Variants in PHTF2 observed in about 807,000 individuals in gnomAD.
The protein encoded by PHTF2 is protein PHTF2.
Under a neutral mutation model 101.2 loss-of-function variants are expected in PHTF2, and 60 were observed. The observed-to-expected ratio is 0.59, with a 90% CI of 0.48 to 0.73. The LOEUF (loss-of-function observed/expected upper bound fraction) is 0.73, where lower values mean the gene tolerates loss of function less well. PHTF2 is among the 30% of genes least tolerant of loss of function. The probability of loss-of-function intolerance (pLI) is 0.00; values close to 1 mark genes in which losing one functional copy is unlikely to be tolerated. For synonymous variants in PHTF2, 311 were observed against 307.3 expected (o/e 1.01, Z -0.13); for missense variants, 747 against 908.7 (o/e 0.82, Z 2.29).
chr7:77,940,841 C>T lies in PHTF2; in HGVS notation c.1872+182C>T, dbSNP rs565736825. Among the ~76,000 whole-genome samples the T allele has an allele frequency of 3.9e-5, 6 of 152,220 alleles. No individual in the cohort carries two copies. The South Asian group carries it at 6.2e-4, about 16-fold the overall frequency. On this transcript the variant is annotated intron_variant, in intron 15 of 19. Transcript: ENST00000416283. ...ACAAGCCAGCAGAGGGAGCCCACTA[C>T]TTAAAAAAGAATTTAAAAAAAATAA...
chr7:77,882,270 C>G (rs1409447137), intron 3 of PHTF2, among the ~76,000 whole-genome samples: 1 of 151,864 alleles, frequency 6.6e-6, no homozygotes, highest in Admixed American at 6.6e-5. Context: ...AAATGGCTAG[C>G]TAGATATATA....
At chr7:77,845,929 A>G (rs1419274685) in intron 2 of PHTF2, among the ~76,000 whole-genome samples, 1 of 152,196 alleles carries the variant, frequency 6.6e-6, no homozygotes, top group Non-Finnish European at 1.5e-5. Flanking sequence ...CTTAATCCCA[A>G]GACCAGAGCA....
intron 3 of PHTF2, among the ~76,000 whole-genome samples, chr7:77,859,686 C>T (rs2150666422): frequency 6.6e-6 from 1 of 151,914 alleles, no homozygotes; most frequent in Non-Finnish European, 1.5e-5. Context: ...GCCTCAGCCT[C>T]TGGAGTAGCT....
chr7:77,951,190 A>G (rs981878249), intron 17 of PHTF2, among the ~76,000 whole-genome samples: 5 of 152,146 alleles, frequency 3.3e-5, no homozygotes, highest in East Asian at 1.9e-4. Flanking sequence ...TATAATCCCA[A>G]CACTTTGGGA....
chr7:77,948,630 A>C (rs964692311), intron 16 of PHTF2, among the ~76,000 whole-genome samples: 23 of 152,202 alleles, frequency 1.5e-4, no homozygotes, highest in Non-Finnish European at 3.2e-4. Context: ...GTGGATGTAG[A>C]ATATAAAAAG....
intron 3 of PHTF2, among the ~76,000 whole-genome samples, chr7:77,868,098 A>G (rs1027093495): frequency 1.3e-5 from 2 of 152,010 alleles, no homozygotes; most frequent in African/African-American, 2.4e-5. Context: ...GTCTCCTTGG[A>G]TGGCATTTAG....
At chr7:77,923,730 T>C (rs1023903064) in intron 11 of PHTF2, 1 of 984,964 alleles carries the variant, frequency 1.0e-6, no homozygotes, top group Non-Finnish European at 1.2e-6. Flanking sequence ...CTGTATGTAC[T>C]GTTAGAAGTC....
intron 1 of PHTF2, among the ~76,000 whole-genome samples, chr7:77,825,188 A>G (rs1794611314): frequency 6.6e-6 from 1 of 152,188 alleles, no homozygotes; most frequent in Non-Finnish European, 1.5e-5. Context: ...GCAGACAAAA[A>G]AGGGGTATCT....
chr7:77,819,090 A>G (rs1794073038), intron 1 of PHTF2, among the ~76,000 whole-genome samples: 1 of 152,124 alleles, frequency 6.6e-6, no homozygotes, highest in Admixed American at 6.5e-5. Context: ...TTGATACTGT[A>G]TCTTGCAATT....
intron 1 of PHTF2, among the ~76,000 whole-genome samples, chr7:77,837,180 A>G (rs1420330777): frequency 1.3e-5 from 2 of 152,166 alleles, no homozygotes; most frequent in African/African-American, 4.8e-5. Flanking sequence ...AAAAAAGATT[A>G]AGATCCTCTA....
intron 1 of PHTF2, among the ~76,000 whole-genome samples, chr7:77,835,706 T>A (rs1039199481): frequency 1.2e-4 from 18 of 152,230 alleles, no homozygotes; most frequent in Non-Finnish European, 2.1e-4. Context: ...AATAGCCTAC[T>A]GTTGACAGGA....
chr7:77,937,525 ATATAT>A (rs1202412191), intron 12 of PHTF2, among the ~76,000 whole-genome samples, 180 bp from the exon 12 acceptor site: 2 of 152,166 alleles, frequency 1.3e-5, no homozygotes, highest in Non-Finnish European at 2.9e-5. Flanking sequence ...GTGTGTATAA[ATATAT>A]TAGCTGTGCA....
At chr7:77,849,068 G>T (rs561713037) in intron 2 of PHTF2, among the ~76,000 whole-genome samples, 1 of 151,920 alleles carries the variant, frequency 6.6e-6, no homozygotes, top group Non-Finnish European at 1.5e-5. Context: ...CTTCTATTGT[G>T]TTCCACTGAT....
chr7:77,920,427 G>T (rs749971460), exon 10 of PHTF2: 1 of 1,613,514 alleles, frequency 6.2e-7, no homozygotes, highest in Non-Finnish European at 8.5e-7. Context: ...AGAAGAGACA[G>T]CCTGGAACAC....
At chr7:77,873,409 A>T (rs1798679369) in intron 3 of PHTF2, among the ~76,000 whole-genome samples, 1 of 152,124 alleles carries the variant, frequency 6.6e-6, no homozygotes, top group Admixed American at 6.5e-5. Flanking sequence ...AAACTCAAGC[A>T]GTTCTTTTTG....
chr7:77,891,596 T>C (rs1800419750), intron 3 of PHTF2, among the ~76,000 whole-genome samples: 1 of 134,884 alleles, frequency 7.4e-6, no homozygotes, highest in Non-Finnish European at 1.6e-5. Context: ...TGTTGTTGTT[T>C]GTTTTTTGTT....
intron 9 of PHTF2, among the ~76,000 whole-genome samples, chr7:77,911,401 T>G (rs2150872622): frequency 6.6e-6 from 1 of 151,982 alleles, no homozygotes; most frequent in African/African-American, 2.4e-5. Context: ...CAAGCTTGTA[T>G]TATTATTATT....
At chr7:77,865,849 G>A (rs182387762) in intron 3 of PHTF2, among the ~76,000 whole-genome samples, 179 of 152,030 alleles carry the variant, frequency 1.2e-3, no homozygotes, top group African/African-American at 4.2e-3. Context: ...CTTGATTTGA[G>A]TTGTCAAATC....
intron 5 of PHTF2, among the ~76,000 whole-genome samples, chr7:77,899,741 T>G (rs1408500000): frequency 6.6e-6 from 1 of 152,210 alleles, no homozygotes; most frequent in East Asian, 1.9e-4. Flanking sequence ...GGGGTGTCAT[T>G]GTTACTTGGA....
Sources: allele counts gnomAD v4.1 joint callset (sites outside exome capture counted in the v4.1 genomes callset), GRCh38; gene constraint gnomAD v4.1.1; transcripts MANE v1.5; gene names NCBI Gene and HGNC (gene_info 2026-07-23, HGNC 2026-07-21).